The following ZFR variants were observed in gnomAD, a reference collection of about 807,000 sequenced individuals.
ZFR encodes zinc finger RNA-binding protein.
Under a neutral mutation model 130.7 loss-of-function variants are expected in ZFR, and 19 were observed. The ratio of observed to expected loss-of-function variants is 0.15; its 90% CI spans 0.10 to 0.21. The LOEUF (loss-of-function observed/expected upper bound fraction) is 0.21. Ranked by LOEUF, ZFR falls within the 10% of genes least tolerant of loss-of-function variation. The probability of loss-of-function intolerance (pLI) is 1.00; values close to 1 mark genes in which losing one functional copy is unlikely to be tolerated. For synonymous variants in ZFR, 466 were observed against 456.9 expected, an observed-to-expected ratio of 1.02 and a Z score of -0.25; for missense variants, 872 against 1,321.5, an observed-to-expected ratio of 0.66 and a Z score of 5.27.
chr5:32,372,859 A>C (rs1317840019), intron 17 of ZFR, among the ~76,000 whole-genome samples: 1 of 152,132 alleles, frequency 6.6e-6, no homozygotes, highest in Non-Finnish European at 1.5e-5. Context: ...AACAAACAAA[A>C]AAAGGAACAA....
intron 14 of ZFR, 44 bp downstream of exon 14, chr5:32,387,505 T>C (rs753238290): frequency 2.5e-6 from 4 of 1,598,796 alleles, no homozygotes; most frequent in Non-Finnish European, 3.4e-6. Context: ...CAAAAACTTC[T>C]GAACCAGACA....
At chr5:32,408,325 A>AC (rs1398491349) in intron 5 of ZFR, among the ~76,000 whole-genome samples, 1 of 98,428 alleles carries the variant, frequency 1.0e-5, no homozygotes, top group South Asian at 3.8e-4. Flanking sequence ...AAAAAAAAAA[A>AC]AAAAAAAAAA....
Position 32,379,257 on chromosome 5 carries a change from AAT to A in ZFR, c.2740-49_2740-48del, listed in dbSNP as rs1752888680. On this transcript the variant is annotated intron_variant, in intron 16 of 19. Coordinates refer to ENST00000265069, the MANE Select transcript of ZFR (RefSeq NM_016107.5). ...AATTGAATTAATCTTAGAAATACTG[AAT>A]ATATCCCTTGATGAAAAAAAGTTAA... 2.0e-6 allele frequency: 3 copies of A among 1,510,066 alleles called. No homozygotes were observed. The South Asian group carries it at 3.4e-5, about 17-fold the overall frequency. The allele number at this position is 1,510,066 out of a possible 1,614,324, so 93.5% of individuals were successfully genotyped here.
intron 2 of ZFR, among the ~76,000 whole-genome samples, chr5:32,437,496 G>C (rs913322618): frequency 1.3e-5 from 2 of 152,106 alleles, no homozygotes; most frequent in African/African-American, 4.8e-5. Flanking sequence ...GAAATACTAA[G>C]AAATGATATA....
At chr5:32,423,386 A>G (rs903446610) in intron 2 of ZFR, among the ~76,000 whole-genome samples, 3 of 151,950 alleles carry the variant, frequency 2.0e-5, no homozygotes, top group African/African-American at 4.8e-5. Context: ...GACAACACAA[A>G]TCACCACATG....
intron 4 of ZFR, among the ~76,000 whole-genome samples, chr5:32,416,138 G>C (rs909951709): frequency 1.3e-5 from 2 of 152,082 alleles, no homozygotes; most frequent in Non-Finnish European, 2.9e-5. Flanking sequence ...AACACAAAAA[G>C]ATAATACTTT....
chr5:32,380,751 C>A (rs998571323), intron 15 of ZFR, among the ~76,000 whole-genome samples: 1 of 147,216 alleles, frequency 6.8e-6, no homozygotes, highest in East Asian at 2.0e-4. Context: ...TGGGTTCAAG[C>A]GATTCTCCTG....
intron 1 of ZFR, 105 bp from the exon 2 acceptor site, chr5:32,444,433 C>G: frequency 1.5e-6 from 2 of 1,376,922 alleles, no homozygotes; most frequent in East Asian, 5.8e-5. Context: ...GCCGTGAGAG[C>G]AGCCCTGGCG....
intron 5 of ZFR, among the ~76,000 whole-genome samples, chr5:32,414,337 A>G (rs1753774879): frequency 6.6e-6 from 1 of 152,224 alleles, no homozygotes; most frequent in Admixed American, 6.5e-5. Flanking sequence ...CAAAAAAGGC[A>G]ATGTGTGATC....
Position 32,355,846 on chromosome 5 carries a change from T to A in ZFR, c.3139A>T (p.Asn1047Tyr). The change falls in exon 20 of 20, where the codon AAC becomes TAC. Residue 1047 changes from asparagine to tyrosine, a missense_variant. By Grantham distance (143) the Asn-to-Tyr change is moderately radical (BLOSUM62 -2). Around this residue, in one of 7 missense-constraint regions of ZFR, gnomAD observed 158 missense variants for 264.0 expected, o/e 0.60. Transcript: ENST00000265069. ...QMSQRFNIHN[N>Y]RKRRRDSDGV... ...TCACTATCTCTTCTTCGTTTCCTGT[T>A]GTTGTGGATGTTAAAACGTTGGCTC... 1 of 1,611,908 alleles carries A rather than the reference T, an allele frequency of 6.2e-7. No homozygotes were observed.
intron 5 of ZFR, among the ~76,000 whole-genome samples, chr5:32,410,969 T>C (rs192518253): frequency 1.3e-5 from 2 of 152,256 alleles, no homozygotes; most frequent in African/African-American, 2.4e-5. Context: ...AATCTTTACA[T>C]GTAAGGATGT....
intron 14 of ZFR, among the ~76,000 whole-genome samples, chr5:32,386,121 A>G (rs1380395902): frequency 6.6e-6 from 1 of 152,090 alleles, no homozygotes; most frequent in African/African-American, 2.4e-5. Context: ...TAGACAGGTA[A>G]TAAGCTCCAT....
Position 32,440,580 on chromosome 5 carries a change from G to C in ZFR, c.137+3649C>G, listed in dbSNP as rs552225608. Reference sequence around the variant, plus strand: ...GAGAATCACTTGAACCCGAGAGGCAGAGGTTGCAGTGAGCCAAGATCGTGC... The same window carrying C: ...GAGAATCACTTGAACCCGAGAGGCACAGGTTGCAGTGAGCCAAGATCGTGC... On this transcript the variant is annotated intron_variant, in intron 2 of 19. Coordinates refer to ENST00000265069, the MANE Select transcript of ZFR (RefSeq NM_016107.5). Among the ~76,000 whole-genome samples, 41 of 152,024 alleles carry C rather than the reference G, an allele frequency of 2.7e-4. No homozygotes were observed. The East Asian group carries it at 7.0e-3, about 26-fold the overall frequency.
chr5:32,403,805 A>G (rs1753521799), intron 7 of ZFR, 101 bp downstream of exon 7: 1 of 1,138,938 alleles, frequency 8.8e-7, no homozygotes, highest in Non-Finnish European at 1.2e-6. Flanking sequence ...TAATGCACTT[A>G]AAAGTTTTCG....
intron 17 of ZFR, among the ~76,000 whole-genome samples, chr5:32,369,449 T>A (rs963024559): frequency 6.6e-6 from 1 of 152,140 alleles, no homozygotes; most frequent in Non-Finnish European, 1.5e-5. Context: ...CACCTTTCTT[T>A]GAGAATGATT....
At chr5:32,369,138 A>G (rs1752606746) in intron 17 of ZFR, among the ~76,000 whole-genome samples, 1 of 152,248 alleles carries the variant, frequency 6.6e-6, no homozygotes, top group South Asian at 2.1e-4. Context: ...GTGTGCATAC[A>G]GTTAAATAGA....
At position 32,403,241 on chromosome 5, in the gene ZFR, C is replaced by CGTTGCAAT. The variant is rs775179231; in HGVS notation, c.1380_1381insATTGCAAC (p.Val461IlefsTer9). ...AGACCCTTCATTGAAGACGTTGCAACTGATGACGTATTCACAGTACAATTG... is the reference window on the plus strand; with the variant it reads ...AGACCCTTCATTGAAGACGTTGCAACGTTGCAATTGATGACGTATTCACAGTACAATTG... On this transcript the variant is annotated frameshift_variant, in exon 8 of 20. Transcript: ENST00000265069. LOFTEE classifies it high-confidence loss of function. The CGTTGCAAT allele has an allele frequency of 6.2e-7, 1 of 1,614,092 alleles. No individual in the cohort carries two copies. The highest frequency in any genetic ancestry group is 1.3e-5 in the African/African-American group (1 of 74,920).
intron 12 of ZFR, among the ~76,000 whole-genome samples, chr5:32,389,366 A>G (rs1207204255): frequency 6.6e-6 from 1 of 152,228 alleles, no homozygotes; most frequent in East Asian, 1.9e-4. Flanking sequence ...AAATTTTTAT[A>G]GACACTGGGT....
chr5:32,355,602 C>T lies in ZFR; in HGVS notation c.*158G>A, dbSNP rs1003389585. On this transcript the variant is annotated 3_prime_UTR_variant, in exon 20 of 20. Transcript: ENST00000265069. Reference sequence around the variant, plus strand: ...GGGTGTCTTTCCATTCAAATAATACCTAACACTGTACATTTTTTAATATCA... The same window carrying T: ...GGGTGTCTTTCCATTCAAATAATACTTAACACTGTACATTTTTTAATATCA... The T allele has an allele frequency of 1.1e-5, 7 of 646,718 alleles. No homozygotes were observed. Among genetic ancestry groups the T allele is most frequent in the African/African-American group, 5.7e-5 (3 of 52,338 alleles). 40.1% of individuals were successfully genotyped at this position (646,718 alleles called of 1,614,324 possible). A position where few individuals can be genotyped will look rare whatever the true frequency, so the allele number is the denominator to read the frequency against.
Sources: allele counts gnomAD v4.1 joint callset (sites outside exome capture counted in the v4.1 genomes callset), GRCh38; gene constraint gnomAD v4.1.1; regional missense constraint gnomAD v4.1.1; transcripts MANE v1.5; gene names NCBI Gene and HGNC (gene_info 2026-07-23, HGNC 2026-07-21).